The following PLCXD3 variants were observed in gnomAD, a reference collection of about 807,000 sequenced individuals.
PLCXD3 encodes the protein PI-PLC X domain-containing protein 3.
A neutral mutation model predicts 25.5 loss-of-function variants in PLCXD3; 19 were observed. The ratio of observed to expected loss-of-function variants is 0.75; its 90% confidence interval spans 0.52 to 1.09. The LOEUF is 1.09. PLCXD3 is among the 50% of genes least tolerant of loss of function. The probability of loss-of-function intolerance (pLI) is 0.00; values close to 1 mark genes in which losing one functional copy is unlikely to be tolerated. For missense variants in PLCXD3, 411 were observed against 388.1 expected, an observed-to-expected ratio of 1.06 and a Z score of -0.50; for synonymous variants, 174 against 137.6, an observed-to-expected ratio of 1.26 and a Z score of -1.85.
intron 1 of PLCXD3, 101 bp from the exon 2 acceptor site, chr5:41,382,635 AC>A: frequency 1.1e-6 from 1 of 879,508 alleles, no homozygotes; most frequent in East Asian, 2.6e-5. Flanking sequence ...CAAATGAGCC[AC>A]AGAAAATACT....
At chr5:41,417,837 CT>C (rs1232525374) in intron 1 of PLCXD3, among the ~76,000 whole-genome samples, 1 of 152,154 alleles carries the variant, frequency 6.6e-6, no homozygotes, top group African/African-American at 2.4e-5. Context: ...CACTGTGGGC[CT>C]GAGGGGGTGT....
rs576774969 is a variant in PLCXD3, at chr5:41,493,158, C to T, written c.103+17266G>A. On this transcript the variant is annotated intron_variant, in intron 1 of 2. Transcript: ENST00000377801. ...TAGTTTTCCTTCTAACAGACAGAAC[C>T]CTCAGCTGCAGGTCTGTTGGAGTTT... Among the ~76,000 whole-genome samples, 6 of 152,282 alleles carry T rather than the reference C, an allele frequency of 3.9e-5. No homozygotes were observed. The East Asian group carries it at 1.2e-3, about 29-fold the overall frequency.
intron 1 of PLCXD3, among the ~76,000 whole-genome samples, chr5:41,408,846 A>G (rs1746433003): frequency 6.6e-6 from 1 of 152,186 alleles, no homozygotes; most frequent in African/African-American, 2.4e-5. Flanking sequence ...GTAGTGAGTC[A>G]GGGAGAAGGA....
chr5:41,392,813 A>G (rs996634260), intron 1 of PLCXD3, among the ~76,000 whole-genome samples: 1 of 152,222 alleles, frequency 6.6e-6, no homozygotes, highest in Admixed American at 6.5e-5. Flanking sequence ...TAAATTTGAG[A>G]TAACACAGAG....
chr5:41,356,834 A>G (rs1744633229), intron 2 of PLCXD3, among the ~76,000 whole-genome samples: 1 of 152,124 alleles, frequency 6.6e-6, no homozygotes. Flanking sequence ...TCCCTCCTGG[A>G]GGGCTGCATG....
chr5:41,424,339 T>A (rs991309410), intron 1 of PLCXD3, among the ~76,000 whole-genome samples: 2 of 152,118 alleles, frequency 1.3e-5, no homozygotes, highest in Middle Eastern at 3.2e-3. Context: ...AGGTCAGGAG[T>A]TCGAGACCAG....
chr5:41,420,781 C>T (rs1490842868), intron 1 of PLCXD3, among the ~76,000 whole-genome samples: 4 of 152,206 alleles, frequency 2.6e-5, no homozygotes, highest in Non-Finnish European at 2.9e-5. Flanking sequence ...CATTTTTAGT[C>T]TTTCCTCCAA....
chr5:41,424,894 G>T (rs1265483844), intron 1 of PLCXD3, among the ~76,000 whole-genome samples: 1 of 152,064 alleles, frequency 6.6e-6, no homozygotes, highest in African/African-American at 2.4e-5. Flanking sequence ...TTATTGTCTT[G>T]TCAAATCATA....
intron 2 of PLCXD3, among the ~76,000 whole-genome samples, chr5:41,374,597 A>G (rs1271773250): frequency 2.0e-5 from 3 of 152,204 alleles, no homozygotes. Flanking sequence ...ACATATCTAT[A>G]GAGACAGGGA....
At chr5:41,509,362 G>A (rs1378360847) in intron 1 of PLCXD3, among the ~76,000 whole-genome samples, 1 of 152,048 alleles carries the variant, frequency 6.6e-6, no homozygotes, top group African/African-American at 2.4e-5. Flanking sequence ...CAGCCCAACT[G>A]CATAGCCAAA....
chr5:41,471,803 T>G (rs1247277537), intron 1 of PLCXD3, among the ~76,000 whole-genome samples: 1 of 15,334 alleles, frequency 6.5e-5, no homozygotes, highest in Non-Finnish European at 1.4e-4. Flanking sequence ...TTCCCTTCCC[T>G]TCCCCTCCCC....
intron 1 of PLCXD3, among the ~76,000 whole-genome samples, chr5:41,396,174 T>C (rs1053645379): frequency 3.3e-5 from 5 of 152,224 alleles, no homozygotes; most frequent in African/African-American, 1.2e-4. Flanking sequence ...CCAAATCTTA[T>C]GACAAATTTT....
intron 1 of PLCXD3, among the ~76,000 whole-genome samples, chr5:41,428,002 T>A (rs1027336355): frequency 6.6e-6 from 1 of 152,160 alleles, no homozygotes; most frequent in African/African-American, 2.4e-5. Context: ...AAATTTCCCA[T>A]CTCTAGTGAG....
chr5:41,474,865 C>A (rs1748246082), intron 1 of PLCXD3, among the ~76,000 whole-genome samples: 1 of 152,204 alleles, frequency 6.6e-6, no homozygotes, highest in Admixed American at 6.5e-5. Context: ...CAGTGGAAAT[C>A]TTAGTGAGTG....
At chr5:41,362,257 A>G (rs567796659) in intron 2 of PLCXD3, among the ~76,000 whole-genome samples, 1 of 152,342 alleles carries the variant, frequency 6.6e-6, no homozygotes, top group East Asian at 1.9e-4. Flanking sequence ...GAAAAGAATT[A>G]TATAATTTCA....
At chr5:41,505,784 T>A (rs1035394695) in intron 1 of PLCXD3, among the ~76,000 whole-genome samples, 2 of 152,236 alleles carry the variant, frequency 1.3e-5, no homozygotes, top group African/African-American at 4.8e-5. Flanking sequence ...TCACATTTAT[T>A]GCTCAAGGTA....
At chr5:41,341,235 G>A (rs1411324348) in intron 2 of PLCXD3, among the ~76,000 whole-genome samples, 1 of 152,138 alleles carries the variant, frequency 6.6e-6, no homozygotes, top group Non-Finnish European at 1.5e-5. Context: ...ATGGAAGAGA[G>A]CACCATCAAT....
chr5:41,499,541 C>T (rs1748911270), intron 1 of PLCXD3, among the ~76,000 whole-genome samples: 1 of 151,684 alleles, frequency 6.6e-6, no homozygotes, highest in South Asian at 2.1e-4. Flanking sequence ...GACTGGAAGA[C>T]TTAATATTGC....
At chr5:41,360,815 C>A (rs1023216348) in intron 2 of PLCXD3, among the ~76,000 whole-genome samples, 1 of 151,588 alleles carries the variant, frequency 6.6e-6, no homozygotes, top group Non-Finnish European at 1.5e-5. Context: ...TTGTTTAATG[C>A]ATTGGTTTTG....
Sources: gnomAD v4.1 joint callset for allele counts (sites outside exome capture counted in the v4.1 genomes callset) on GRCh38, gnomAD v4.1.1 for gene constraint, MANE v1.5 for transcripts, NCBI Gene and HGNC (gene_info 2026-07-23, HGNC 2026-07-21) for gene names.